The following ABHD12 variants were observed in gnomAD, a reference collection of about 807,000 sequenced individuals.
ABHD12 encodes abhydrolase domain containing 12, lysophospholipase.
A neutral mutation model predicts 58.3 loss-of-function variants in ABHD12; 43 were observed. That is an observed-to-expected ratio of 0.74 (90% CI 0.58 to 0.95). ABHD12 has a LOEUF of 0.95. ABHD12 is among the 40% of genes least tolerant of loss of function. The pLI is 0.00. For synonymous variants in ABHD12, 219 were observed against 211.2 expected (o/e 1.04, Z -0.32); for missense variants, 539 against 537.2 (o/e 1.00, Z -0.03).
intron 1 of ABHD12, among the ~76,000 whole-genome samples, chr20:25,379,737 A>G (rs2090000444): frequency 6.6e-6 from 1 of 151,996 alleles, no homozygotes; most frequent in African/African-American, 2.4e-5. Context: ...ATTTATTTAT[A>G]TATTTTTTTG....
chr20:25,342,103 CAA>C (rs11476197), intron 1 of ABHD12, among the ~76,000 whole-genome samples: 922 of 69,820 alleles, frequency 0.013, 7 homozygotes, highest in African/African-American at 0.028. Flanking sequence ...AACTCTGTCT[CAA>C]AAAAAAAAAA....
intron 1 of ABHD12, among the ~76,000 whole-genome samples, chr20:25,365,640 C>A (rs1482955047): frequency 6.6e-6 from 1 of 152,190 alleles, no homozygotes; most frequent in Non-Finnish European, 1.5e-5. Context: ...AAAGATTATC[C>A]TCCCAAATCC....
intron 1 of ABHD12, among the ~76,000 whole-genome samples, chr20:25,382,613 A>C (rs2090035259): frequency 6.6e-6 from 1 of 152,176 alleles, no homozygotes; most frequent in African/African-American, 2.4e-5. Context: ...CATCGCTGTT[A>C]GCACAAACCT....
At chr20:25,311,212 A>G (rs1888999) in intron 6 of ABHD12, among the ~76,000 whole-genome samples, 93,494 of 151,730 alleles carry the variant, frequency 0.62, 30,360 homozygotes, top group African/African-American at 0.79. Context: ...AATGAAAGCT[A>G]CTAACTGCTT....
intron 1 of ABHD12, among the ~76,000 whole-genome samples, chr20:25,357,754 T>C (rs2089687649): frequency 1.3e-5 from 2 of 152,156 alleles, no homozygotes; most frequent in South Asian, 2.1e-4. Flanking sequence ...CTCACACCTG[T>C]AATCCCAGCA....
chr20:25,294,774 A>T, exon 13 of ABHD12: 1 of 675,500 alleles, frequency 1.5e-6, no homozygotes, highest in South Asian at 1.6e-5. Flanking sequence ...GTTTTATTTC[A>T]GTGCAGTTAG....
At chr20:25,368,101 A>T (rs923348140) in intron 1 of ABHD12, among the ~76,000 whole-genome samples, 4 of 152,222 alleles carry the variant, frequency 2.6e-5, no homozygotes, top group African/African-American at 9.6e-5. Flanking sequence ...TCATAAACTT[A>T]ACACTGCAAT....
chr20:25,349,398 A>G (rs2089568539), intron 1 of ABHD12, among the ~76,000 whole-genome samples: 1 of 152,246 alleles, frequency 6.6e-6, no homozygotes, highest in South Asian at 2.1e-4. Context: ...TATATACTCC[A>G]AAGAACTGAT....
chr20:25,305,374 T>G (rs540444904), intron 10 of ABHD12, among the ~76,000 whole-genome samples: 14 of 151,888 alleles, frequency 9.2e-5, no homozygotes, highest in Admixed American at 7.9e-4. Flanking sequence ...CCTCTTTTTT[T>G]TTTTTTGAGA....
At chr20:25,298,907 C>T (rs553053681), downstream of ABHD12, among the ~76,000 whole-genome samples, 28 of 152,272 alleles carry the variant, frequency 1.8e-4, no homozygotes, top group East Asian at 1.5e-3. Flanking sequence ...TCTGGGCGGG[C>T]GGCACCAAGG....
intron 7 of ABHD12, among the ~76,000 whole-genome samples, chr20:25,308,845 GCCAT>G (rs2088796015): frequency 6.6e-6 from 1 of 152,208 alleles, no homozygotes; most frequent in Non-Finnish European, 1.5e-5. Flanking sequence ...AGGGCCTCTT[GCCAT>G]CCCAGGACCA....
intron 1 of ABHD12, among the ~76,000 whole-genome samples, chr20:25,380,494 C>T (rs1007847044): frequency 2.6e-5 from 4 of 152,062 alleles, no homozygotes; most frequent in Non-Finnish European, 1.5e-5. Flanking sequence ...CCCTGTCTTT[C>T]CCCCTTTACT....
chr20:25,387,689 A>T (rs907539931), intron 1 of ABHD12, among the ~76,000 whole-genome samples: 4 of 151,592 alleles, frequency 2.6e-5, no homozygotes, highest in Non-Finnish European at 5.9e-5. Context: ...GCAGTGGGCC[A>T]TGATCATGCC....
chr20:25,368,352 C>G, intron 1 of ABHD12: 14 of 1,555,614 alleles, frequency 9.0e-6, no homozygotes, highest in Non-Finnish European at 1.2e-5. Context: ...TCCATGGCCT[C>G]CACAATATTC....
At chr20:25,346,336 G>C (rs1262714269) in intron 1 of ABHD12, among the ~76,000 whole-genome samples, 1 of 152,176 alleles carries the variant, frequency 6.6e-6, no homozygotes, top group African/African-American at 2.4e-5. Context: ...GGGATGATCA[G>C]GAAGAACACA....
intron 1 of ABHD12, among the ~76,000 whole-genome samples, chr20:25,349,498 C>T (rs1370319019): frequency 2.0e-5 from 3 of 152,176 alleles, no homozygotes; most frequent in African/African-American, 7.2e-5. Flanking sequence ...AAGTGTCCAT[C>T]AGCAGATGAA....
intron 1 of ABHD12, among the ~76,000 whole-genome samples, chr20:25,376,397 T>C (rs1351127862): frequency 2.0e-5 from 3 of 152,192 alleles, no homozygotes; most frequent in Non-Finnish European, 4.4e-5. Context: ...TTGAAAACTT[T>C]AAGGCCTTAA....
At chr20:25,295,254 C>CGGCGCCATGGGCT (rs2088522840), downstream of ABHD12, among the ~76,000 whole-genome samples, 1 of 152,156 alleles carries the variant, frequency 6.6e-6, no homozygotes. Context: ...TGCCCTGAGG[C>CGGCGCCATGGGCT]GGCGCCATGG....
In ABHD12 at chr20:25,390,742, G is replaced by GGCCTCGGCC. The variant is rs3833297; in HGVS notation, c.-40_-39insGGCCGAGGC. The GGCCTCGGCC allele has an allele frequency of 1.6e-6, 2 of 1,253,814 alleles. No homozygotes were observed. The highest frequency in any genetic ancestry group is 3.2e-5 in the African/African-American group (2 of 62,666). 77.7% of individuals were successfully genotyped at this position (1,253,814 alleles called of 1,614,324 possible). A position where few individuals can be genotyped will look rare whatever the true frequency, so the allele number is the denominator to read the frequency against. On this transcript the variant is annotated 5_prime_UTR_variant, in exon 1 of 13. Coordinates refer to ENST00000339157, the MANE Select transcript of ABHD12 (RefSeq NM_001042472.3). ...GGGCCAGCCGCCGACGGCGCCCGCT[G>GGCCTCGGCC]GCCTGCGCCGCAGTGCCGCCGCTCA...
Sources: allele counts gnomAD v4.1 joint callset (sites outside exome capture counted in the v4.1 genomes callset), GRCh38; gene constraint gnomAD v4.1.1; transcripts MANE v1.5; gene names NCBI Gene and HGNC (gene_info 2026-07-23, HGNC 2026-07-21).